Variants in DMXL2 observed in about 807,000 individuals in gnomAD.
The protein encoded by DMXL2 is dmX-like protein 2.
DMXL2 carries 103 observed loss-of-function variants against 331.1 expected under a neutral mutation model. That is an observed-to-expected ratio of 0.31 (90% CI 0.27 to 0.37). The LOEUF is 0.37. Ranked by LOEUF, DMXL2 falls within the 10% of genes least tolerant of loss-of-function variation. The pLI, the probability that DMXL2 is intolerant of heterozygous loss-of-function variation, is 1.00. For missense variants in DMXL2, 3,171 were observed against 3,642.9 expected, an observed-to-expected ratio of 0.87 and a Z score of 3.33; for synonymous variants, 1,281 against 1,252.1, an observed-to-expected ratio of 1.02 and a Z score of -0.49.
chr15:51,512,548 C>T (rs2046818387), intron 15 of DMXL2, among the ~76,000 whole-genome samples: 1 of 152,156 alleles, frequency 6.6e-6, no homozygotes, highest in Non-Finnish European at 1.5e-5. Flanking sequence ...TAGTGGCTCA[C>T]GCCTGTAATC....
intron 8 of DMXL2, 80 bp from the exon 9 acceptor site, chr15:51,542,587 GGTT>G: frequency 3.6e-6 from 4 of 1,104,232 alleles, no homozygotes; most frequent in Non-Finnish European, 5.1e-6. Flanking sequence ...ATTATTAAGA[GGTT>G]TAAGATTTTT....
intron 16 of DMXL2, 64 bp downstream of exon 16, chr15:51,507,070 T>A: frequency 2.3e-6 from 3 of 1,302,870 alleles, no homozygotes; most frequent in Non-Finnish European, 3.1e-6. Context: ...TTAACCAAAG[T>A]AAAGCATATT....
chr15:51,594,582 G>A (rs1014828443), intron 1 of DMXL2, among the ~76,000 whole-genome samples: 1 of 152,066 alleles, frequency 6.6e-6, no homozygotes, highest in Admixed American at 6.5e-5. Flanking sequence ...GCATCATCCT[G>A]ATACCAAAGC....
intron 1 of DMXL2, among the ~76,000 whole-genome samples, chr15:51,604,390 C>A: frequency 6.9e-6 from 1 of 145,286 alleles, no homozygotes; most frequent in African/African-American, 2.5e-5. Context: ...CTGAAAATCC[C>A]AAGAGATTTA....
Position 51,505,299 on chromosome 15 carries a change from T to C in DMXL2, c.2764+1835A>G, listed in dbSNP as rs992969768. ...TTATTTGCCTCTACTGTAATCTCATTGTCTGTGACCTACTGCTGTCACAAA... is the reference window on the plus strand; with the variant it reads ...TTATTTGCCTCTACTGTAATCTCATCGTCTGTGACCTACTGCTGTCACAAA... On this transcript the variant is annotated intron_variant, in intron 16 of 43. Transcript: ENST00000560891. Among the ~76,000 whole-genome samples, 3 of 152,220 alleles carry C rather than the reference T, an allele frequency of 2.0e-5. No individual in the cohort carries two copies. In the South Asian group the frequency reaches 6.2e-4, roughly 31 times the overall value.
chr15:51,542,907 G>T (rs2048681573), intron 8 of DMXL2, among the ~76,000 whole-genome samples: 1 of 151,176 alleles, frequency 6.6e-6, no homozygotes, highest in Admixed American at 6.6e-5. Context: ...CTCTCACTTA[G>T]AATTAAACAG....
At chr15:51,603,289 A>G (rs2053356255) in intron 1 of DMXL2, among the ~76,000 whole-genome samples, 1 of 152,180 alleles carries the variant, frequency 6.6e-6, no homozygotes, top group South Asian at 2.1e-4. Flanking sequence ...CCCTGCACAC[A>G]TTAAAAGTAT....
At chr15:51,460,938 G>A (rs1270606314) in intron 33 of DMXL2, among the ~76,000 whole-genome samples, 1 of 151,980 alleles carries the variant, frequency 6.6e-6, no homozygotes, top group Non-Finnish European at 1.5e-5. Context: ...TCTCAATCAT[G>A]CTAGCCACAT....
At chr15:51,534,235 TACAG>T (rs1185761415) in intron 13 of DMXL2, among the ~76,000 whole-genome samples, 1 of 152,028 alleles carries the variant, frequency 6.6e-6, no homozygotes, top group Non-Finnish European at 1.5e-5. Flanking sequence ...AGGCTCAGAG[TACAG>T]ACAAACTGAA....
intron 2 of DMXL2, among the ~76,000 whole-genome samples, chr15:51,574,141 C>G (rs1465846713): frequency 6.6e-6 from 1 of 152,032 alleles, no homozygotes; most frequent in East Asian, 1.9e-4. Flanking sequence ...ATAAACTGCA[C>G]CTGGGGGAAA....
At chr15:51,516,765 T>C (rs1445753504) in intron 14 of DMXL2, among the ~76,000 whole-genome samples, 1 of 152,220 alleles carries the variant, frequency 6.6e-6, no homozygotes, top group Non-Finnish European at 1.5e-5. Context: ...ACCTAACATG[T>C]GGTTTTTCAA....
At position 51,488,545 on chromosome 15, in the gene DMXL2, T is replaced by C; in HGVS notation, c.5051+3A>G. The C allele has an allele frequency of 6.2e-7, 1 of 1,611,926 alleles. No individual in the cohort carries two copies. The highest frequency in any genetic ancestry group is 8.5e-7 in the Non-Finnish European group (1 of 1,178,918). On this transcript the variant is annotated splice_donor_region_variant and intron_variant, in intron 21 of 43. Coordinates refer to ENST00000560891, the MANE Select transcript of DMXL2 (RefSeq NM_001378457.1). ...AATCACGTTAAGTGTCAAGGCAACTTACCTAAACAGACCCCACACTACTGC... is the reference window on the plus strand; with the variant it reads ...AATCACGTTAAGTGTCAAGGCAACTCACCTAAACAGACCCCACACTACTGC...
intron 24 of DMXL2, among the ~76,000 whole-genome samples, 164 bp from the exon 25 acceptor site, chr15:51,480,303 G>T (rs767670350): frequency 6.6e-6 from 1 of 152,194 alleles, no homozygotes; most frequent in Non-Finnish European, 1.5e-5. Context: ...TATGCTAGAT[G>T]TAGATGGTAT....
intron 16 of DMXL2, among the ~76,000 whole-genome samples, chr15:51,503,249 T>C (rs1186502725): frequency 6.6e-6 from 1 of 152,186 alleles, no homozygotes; most frequent in Admixed American, 6.5e-5. Context: ...GAAATCAGTA[T>C]ATCAAAGGGA....
chr15:51,622,212 T>C (rs962299700), intron 1 of DMXL2, among the ~76,000 whole-genome samples: 3 of 152,210 alleles, frequency 2.0e-5, no homozygotes, highest in Non-Finnish European at 4.4e-5. Context: ...CAGGCCCGTT[T>C]GCTTGGGGTG....
At chr15:51,561,354 C>G (rs1230934739) in intron 6 of DMXL2, among the ~76,000 whole-genome samples, 1 of 152,174 alleles carries the variant, frequency 6.6e-6, no homozygotes, top group Non-Finnish European at 1.5e-5. Flanking sequence ...ACAATTTCTT[C>G]AGGTGTAGTC....
At chr15:51,555,065 C>G (rs1270242511) in intron 6 of DMXL2, among the ~76,000 whole-genome samples, 1 of 151,984 alleles carries the variant, frequency 6.6e-6, no homozygotes, top group Non-Finnish European at 1.5e-5. Flanking sequence ...GGCTGAGGCA[C>G]AAGAATTGCT....
At chr15:51,450,719 T>C (rs943179653) in intron 42 of DMXL2, 3 of 181,444 alleles carry the variant, frequency 1.7e-5, no homozygotes, top group Non-Finnish European at 3.5e-5. Flanking sequence ...TTCAGGTAAG[T>C]AATTGAAACA....
At chr15:51,452,745 T>A (rs1384112112) in intron 41 of DMXL2, among the ~76,000 whole-genome samples, 1 of 152,206 alleles carries the variant, frequency 6.6e-6, no homozygotes, top group Non-Finnish European at 1.5e-5. Flanking sequence ...CTACTGGGTA[T>A]CTACCCAGAG....
Sources: allele counts gnomAD v4.1 joint callset (sites outside exome capture counted in the v4.1 genomes callset), GRCh38; gene constraint gnomAD v4.1.1; transcripts MANE v1.5; gene names NCBI Gene and HGNC (gene_info 2026-07-23, HGNC 2026-07-21).